SLC12A6: variants seen among roughly 807,000 people sequenced by gnomAD.
The protein encoded by SLC12A6 is K-Cl cotransporter 3.
SLC12A6 carries 66 observed loss-of-function variants against 135.3 expected under a neutral mutation model. That is an observed-to-expected ratio of 0.49 (90% confidence interval 0.40 to 0.60). The LOEUF is 0.60. Among genes scored for constraint, SLC12A6 ranks in the 20% least tolerant of loss-of-function variants. The pLI, the probability that SLC12A6 is intolerant of heterozygous loss-of-function variation, is 0.00. For synonymous variants in SLC12A6, 513 were observed against 508.8 expected, an observed-to-expected ratio of 1.01 and a Z score of -0.11; for missense variants, 1,058 against 1,452.3, an observed-to-expected ratio of 0.73 and a Z score of 4.41.
intron 2 of SLC12A6, among the ~76,000 whole-genome samples, chr15:34,281,643 C>T (rs1381821752): frequency 1.3e-5 from 2 of 152,106 alleles, no homozygotes; most frequent in Non-Finnish European, 2.9e-5. Context: ...AAAAAATTAG[C>T]TGGGCATGGT....
At chr15:34,318,584 C>T (rs747209955) in intron 2 of SLC12A6, 16 of 1,613,804 alleles carry the variant, frequency 9.9e-6, no homozygotes, top group South Asian at 5.5e-5. Context: ...ATCCTGAATC[C>T]GGGCTTTTAT....
intron 2 of SLC12A6, among the ~76,000 whole-genome samples, chr15:34,323,003 A>AG (rs1461041287): frequency 5.6e-4 from 80 of 143,046 alleles, no homozygotes; most frequent in African/African-American, 2.1e-3. Flanking sequence ...AAAAAAAAAA[A>AG]GGAAAGAAAG....
intron 2 of SLC12A6, among the ~76,000 whole-genome samples, chr15:34,329,697 A>G (rs754886619): frequency 2.0e-5 from 3 of 152,190 alleles, no homozygotes; most frequent in Non-Finnish European, 4.4e-5. Context: ...CACTCAAAAG[A>G]AAATCCTTTA....
intron 2 of SLC12A6, among the ~76,000 whole-genome samples, chr15:34,310,204 T>C (rs1888064356): frequency 6.8e-6 from 1 of 147,864 alleles, no homozygotes; most frequent in South Asian, 2.1e-4. Context: ...TGTGTGTGTG[T>C]GTGTCCCTGT....
chr15:34,236,963 G>A, intron 22 of SLC12A6, 148 bp from the exon 23 acceptor site: 1 of 674,050 alleles, frequency 1.5e-6, no homozygotes, highest in Non-Finnish European at 2.7e-6. Flanking sequence ...TAGTCATTGA[G>A]CTACATAAAT....
In SLC12A6 at chr15:34,230,762, C is replaced by G. The variant is rs1890870583; in HGVS notation, c.*3119G>C. 1 of 152,640 alleles carries G rather than the reference C, an allele frequency of 6.6e-6. No individual in the cohort carries two copies. Among genetic ancestry groups the G allele is most frequent in the South Asian group, 2.1e-4 (1 of 4,836 alleles). 9.5% of individuals were successfully genotyped at this position (152,640 alleles called of 1,614,324 possible). ...ACAGACAACGTAAGCAACACATACACACATGAAATACTCTAGACAGACATG... is the reference window on the plus strand; with the variant it reads ...ACAGACAACGTAAGCAACACATACAGACATGAAATACTCTAGACAGACATG... On this transcript the variant is annotated 3_prime_UTR_variant, in exon 26 of 26. Coordinates refer to ENST00000354181, the MANE Select transcript of SLC12A6 (RefSeq NM_001365088.1).
intron 2 of SLC12A6, among the ~76,000 whole-genome samples, chr15:34,303,216 A>G (rs1896379310): frequency 6.6e-6 from 1 of 152,150 alleles, no homozygotes. Context: ...ATATTTTAAG[A>G]GCCTATATTG....
intron 25 of SLC12A6, 75 bp downstream of exon 25, chr15:34,235,106 T>G: frequency 7.5e-7 from 1 of 1,337,786 alleles, no homozygotes; most frequent in South Asian, 1.2e-5. Flanking sequence ...CAATGACTTT[T>G]ATTGTTACCT....
At position 34,256,417 on chromosome 15, in the gene SLC12A6, G is replaced by A. The variant is rs187427439; in HGVS notation, c.691-134C>T. 5.0e-5 allele frequency: 35 copies of A among 695,246 alleles called. No individual in the cohort carries two copies. The East Asian group carries it at 9.1e-4, about 18-fold the overall frequency. 43.1% of individuals were successfully genotyped at this position (695,246 alleles called of 1,614,324 possible). A position where few individuals can be genotyped will look rare whatever the true frequency, so the allele number is the denominator to read the frequency against. On this transcript the variant is annotated intron_variant, in intron 6 of 25. Transcript: ENST00000354181. ...CTTTTATGGACAGTCATACCTAATG[G>A]TATGGAAATAAGATGATATGGTCCA...
chr15:34,334,374 G>A (rs1890064515), intron 2 of SLC12A6, among the ~76,000 whole-genome samples: 1 of 152,132 alleles, frequency 6.6e-6, no homozygotes, highest in Non-Finnish European at 1.5e-5. Context: ...CAGCCTAGAG[G>A]GAAGTGTATA....
At chr15:34,277,966 G>A (rs1242651255) in intron 2 of SLC12A6, among the ~76,000 whole-genome samples, 1 of 152,186 alleles carries the variant, frequency 6.6e-6, no homozygotes, top group Non-Finnish European at 1.5e-5. Context: ...CCAATATTCT[G>A]TAATTCTAAC....
At position 34,245,809 on chromosome 15, in the gene SLC12A6, A is replaced by G. The variant is rs760940063; in HGVS notation, c.1708T>C (p.Trp570Arg). 6.2e-7 allele frequency: 1 copy of G among 1,613,714 alleles called. No homozygotes were observed. The change falls in exon 14 of 26, where the codon TGG becomes CGG. Residue 570 changes from tryptophan to arginine, a missense_variant. By Grantham distance (101) the Trp-to-Arg change is moderately radical. Coordinates refer to ENST00000354181, the MANE Select transcript of SLC12A6 (RefSeq NM_001365088.1). ...AAGAAGGAGCCAATAACAATCACCC[A>G]TGGGGATGGCCAAGATAAGGTGCCT... ...VVGTLSWPSP[W>R]VIVIGSFFST...
At position 34,232,613 on chromosome 15, in the gene SLC12A6, T is replaced by C. The variant is rs552918151; in HGVS notation, c.*1268A>G. On this transcript the variant is annotated 3_prime_UTR_variant, in exon 26 of 26. Transcript: ENST00000354181. ...AAGTTTCTGTAGTCAGAATGAAGAA[T>C]AAAATTGAAAGAAAAAGGGGGAAAT... 16 of 152,622 alleles carry C rather than the reference T, an allele frequency of 1.0e-4. No homozygotes were observed. The highest frequency in any genetic ancestry group is 6.5e-4 in the Admixed American group (10 of 15,294). The allele number at this position is 152,622 out of a possible 1,614,324, so 9.5% of individuals were successfully genotyped here.
In SLC12A6 at chr15:34,230,153, A is replaced by G. The variant is rs1409162391; in HGVS notation, c.*3728T>C. ...TAAATGGTTGAGAACAATGCATAAAAAAAGTTGCACAAGTTCCTTATTTTC... is the reference window on the plus strand; with the variant it reads ...TAAATGGTTGAGAACAATGCATAAAGAAAGTTGCACAAGTTCCTTATTTTC... On this transcript the variant is annotated 3_prime_UTR_variant, in exon 26 of 26. Transcript: ENST00000354181. The G allele has an allele frequency of 2.2e-5, 5 of 231,234 alleles. No individual in the cohort carries two copies. The highest frequency in any genetic ancestry group is 3.0e-4 in the South Asian group (2 of 6,696). 14.3% of individuals were successfully genotyped at this position (231,234 alleles called of 1,614,324 possible).
intron 2 of SLC12A6, among the ~76,000 whole-genome samples, chr15:34,292,655 G>A (rs888183809): frequency 8.5e-5 from 13 of 152,238 alleles, no homozygotes; most frequent in East Asian, 3.9e-4. Flanking sequence ...TGCCCAGTTC[G>A]CGGTTCCCTG....
At chr15:34,297,013 T>A (rs1450508414) in intron 2 of SLC12A6, among the ~76,000 whole-genome samples, 2 of 152,228 alleles carry the variant, frequency 1.3e-5, no homozygotes, top group Non-Finnish European at 2.9e-5. Flanking sequence ...CTACTAAACA[T>A]CTTGATAAGT....
chr15:34,247,708 CTTTT>C (rs560146427), intron 13 of SLC12A6, among the ~76,000 whole-genome samples: 3 of 143,676 alleles, frequency 2.1e-5, no homozygotes, highest in Non-Finnish European at 3.1e-5. Flanking sequence ...ACTATCCTGA[CTTTT>C]TTTTTTTTTT....
chr15:34,243,856 G>T lies in SLC12A6; in HGVS notation c.2042+118C>A, dbSNP rs141560451. On this transcript the variant is annotated intron_variant, in intron 16 of 25. Coordinates refer to ENST00000354181, the MANE Select transcript of SLC12A6 (RefSeq NM_001365088.1). ...CAGATAAGAATTGAAAGTTGAAACA[G>T]TATGAAATGGCTGACCAAGAAAAAA... 388 of 746,916 alleles carry T rather than the reference G, an allele frequency of 5.2e-4. 1 individual carries two copies. The highest frequency in any genetic ancestry group is 1.9e-4 in the Non-Finnish European group (76 of 406,246). 46.3% of individuals were successfully genotyped at this position (746,916 alleles called of 1,614,324 possible).
chr15:34,255,807 T>TA lies in SLC12A6; in HGVS notation c.746-416dup, dbSNP rs1310494471. Among the ~76,000 whole-genome samples, 168 of 148,316 alleles carry TA rather than the reference T, an allele frequency of 1.1e-3. 1 individual carries two copies. Among genetic ancestry groups the TA allele is most frequent in the African/African-American group, 3.5e-3 (142 of 40,328 alleles). ...GTAACATAGTAAAATGTCACCTCTGTAAAAAAAAAAAAATAGCCAGGCATA... is the reference window on the plus strand; with the variant it reads ...GTAACATAGTAAAATGTCACCTCTGTAAAAAAAAAAAAAATAGCCAGGCATA... On this transcript the variant is annotated intron_variant, in intron 7 of 25. Transcript: ENST00000354181.
Sources: allele counts gnomAD v4.1 joint callset (sites outside exome capture counted in the v4.1 genomes callset), GRCh38; gene constraint gnomAD v4.1.1; transcripts MANE v1.5; gene names NCBI Gene and HGNC (gene_info 2026-07-23, HGNC 2026-07-21).